The following DNM3 variants were observed in gnomAD, a reference collection of about 807,000 sequenced individuals.
DNM3 encodes the protein dynamin 3.
Under a neutral mutation model 101.6 loss-of-function variants are expected in DNM3, and 47 were observed. The ratio of observed to expected loss-of-function variants is 0.46; its 90% CI spans 0.37 to 0.59. The LOEUF is 0.59. Among genes scored for constraint, DNM3 ranks in the 20% least tolerant of loss-of-function variants. The pLI is 0.00. For synonymous variants in DNM3, 385 were observed against 387.9 expected (o/e 0.99, Z 0.09); for missense variants, 849 against 1,085.7 (o/e 0.78, Z 3.06).
rs1260694682 is a variant in DNM3, at chr1:171,880,918, T to C, written c.161+39101T>C. Among the ~76,000 whole-genome samples, 4 of 152,180 alleles carry C rather than the reference T, an allele frequency of 2.6e-5. No individual in the cohort carries two copies. The East Asian group carries it at 7.7e-4, about 29-fold the overall frequency. ...TAAATAGTAAAGTAAAAAAAAAACC[T>C]ATGTGTCTTTTATTTCTCTGCTAAC... On this transcript the variant is annotated intron_variant, in intron 1 of 20. Coordinates refer to ENST00000627582, the MANE Select transcript of DNM3 (RefSeq NM_015569.5).
chr1:172,061,220 A>C (rs1379809867), intron 10 of DNM3, among the ~76,000 whole-genome samples: 1 of 150,696 alleles, frequency 6.6e-6, no homozygotes, highest in Non-Finnish European at 1.5e-5. Context: ...GAAGATGTGG[A>C]GAAATAGGAA....
intron 2 of DNM3, among the ~76,000 whole-genome samples, chr1:171,932,225 T>A (rs2041080953): frequency 6.6e-6 from 1 of 151,178 alleles, no homozygotes; most frequent in Non-Finnish European, 1.5e-5. Flanking sequence ...CAGTGTAACC[T>A]CCAACTCCTC....
chr1:172,218,265 C>G (rs1407240103), intron 14 of DNM3, among the ~76,000 whole-genome samples: 1 of 151,790 alleles, frequency 6.6e-6, no homozygotes, highest in African/African-American at 2.4e-5. Context: ...GCTCTGTAGC[C>G]CAATGAGAAT....
At chr1:171,880,486 G>A (rs769484757) in intron 1 of DNM3, among the ~76,000 whole-genome samples, 28 of 152,098 alleles carry the variant, frequency 1.8e-4, no homozygotes, top group Non-Finnish European at 4.4e-5. Context: ...TTGGCACAGC[G>A]ATCATTAATT....
intron 1 of DNM3, among the ~76,000 whole-genome samples, chr1:171,854,889 T>C (rs973406474): frequency 2.6e-5 from 4 of 151,994 alleles, no homozygotes; most frequent in African/African-American, 9.7e-5. Flanking sequence ...TTTTAAAAAT[T>C]ATTATTTTAG....
Position 172,379,125 on chromosome 1 carries a change from C to T in DNM3, c.2001C>T (p.Ile667=). Reference sequence around the variant, plus strand: ...TCGTAGACTCCTACATGTCCATTATCAACAAATGTATCCGAGATCTAATTC... The same window carrying T: ...TCGTAGACTCCTACATGTCCATTATTAACAAATGTATCCGAGATCTAATTC... ...RNLVDSYMSI[I]NKCIRDLIPK... is the part of the protein sequence containing the mutation. The change falls in exon 18 of 21, where the codon ATC becomes ATT. Residue 667 remains isoleucine (I), a synonymous_variant. Transcript: ENST00000627582. 1 of 1,611,736 alleles carries T rather than the reference C, an allele frequency of 6.2e-7. No homozygotes were observed. Among genetic ancestry groups the T allele is most frequent in the Non-Finnish European group, 8.5e-7 (1 of 1,178,678 alleles).
intron 14 of DNM3, among the ~76,000 whole-genome samples, chr1:172,175,909 G>T (rs12072992): frequency 6.3e-4 from 96 of 151,892 alleles, no homozygotes; most frequent in African/African-American, 2.2e-3. Context: ...TGGTAGACAT[G>T]CTCCAGTGGT....
intron 4 of DNM3, among the ~76,000 whole-genome samples, chr1:171,996,298 T>C (rs1429769120): frequency 6.6e-6 from 1 of 152,192 alleles, no homozygotes; most frequent in African/African-American, 2.4e-5. Flanking sequence ...AATTATATGA[T>C]GTTTTGAATA....
At chr1:172,095,914 C>T (rs1007612954) in intron 13 of DNM3, among the ~76,000 whole-genome samples, 7 of 152,138 alleles carry the variant, frequency 4.6e-5, no homozygotes, top group South Asian at 4.1e-4. Flanking sequence ...TTAAATTTAA[C>T]CTTCATTCAT....
chr1:172,373,705 C>T (rs936319139), intron 17 of DNM3, among the ~76,000 whole-genome samples: 2 of 151,828 alleles, frequency 1.3e-5, no homozygotes, highest in African/African-American at 4.8e-5. Flanking sequence ...TTTTTTTGTA[C>T]TTTACATCCT....
chr1:172,026,326 A>C (rs2048198828), intron 4 of DNM3, among the ~76,000 whole-genome samples: 1 of 152,184 alleles, frequency 6.6e-6, no homozygotes, highest in African/African-American at 2.4e-5. Flanking sequence ...CCAAGCCTGC[A>C]TGTGATTGTG....
intron 2 of DNM3, among the ~76,000 whole-genome samples, chr1:171,983,891 T>C (rs2045028724): frequency 1.3e-5 from 2 of 152,162 alleles, no homozygotes; most frequent in African/African-American, 4.8e-5. Context: ...TCAACTTGGA[T>C]GGGTGTGTCA....
At chr1:172,236,750 G>A (rs1217859080) in intron 14 of DNM3, among the ~76,000 whole-genome samples, 3 of 152,052 alleles carry the variant, frequency 2.0e-5, no homozygotes, top group African/African-American at 7.2e-5. Flanking sequence ...TGTTGCTCTG[G>A]TTCTTCATTG....
chr1:171,953,675 C>T (rs778180881), intron 2 of DNM3, among the ~76,000 whole-genome samples: 5 of 151,930 alleles, frequency 3.3e-5, no homozygotes, highest in Admixed American at 6.6e-5. Flanking sequence ...GTGATCTACC[C>T]GCCTCAGCCT....
rs2058849272 is a variant in DNM3, at chr1:172,168,929, G to T, written c.1659+37641G>T. Among the ~76,000 whole-genome samples the T allele has an allele frequency of 2.0e-5, 3 of 152,058 alleles. No homozygotes were observed. In the South Asian group the frequency reaches 6.2e-4, roughly 31 times the overall value. The stretch of plus-strand genomic sequence containing the variant: ...ATCAAGAAGGGGTTTCTACTATGTT[G>T]TAAGAGGTGAAACTTGGCATACATT... On this transcript the variant is annotated intron_variant, in intron 14 of 20. Transcript: ENST00000627582.
At chr1:172,173,274 G>A (rs1209528778) in intron 14 of DNM3, among the ~76,000 whole-genome samples, 1 of 151,708 alleles carries the variant, frequency 6.6e-6, no homozygotes, top group Non-Finnish European at 1.5e-5. Flanking sequence ...AGTTGAGAGA[G>A]AGAAGAGTCA....
intron 1 of DNM3, among the ~76,000 whole-genome samples, chr1:171,909,773 AT>A (rs1452458870): frequency 5.9e-5 from 9 of 152,368 alleles, no homozygotes; most frequent in African/African-American, 2.2e-4. Context: ...ACTTGAAATT[AT>A]AATTGGAACA....
At chr1:172,246,599 A>G (rs1359393926) in intron 14 of DNM3, among the ~76,000 whole-genome samples, 1 of 152,174 alleles carries the variant, frequency 6.6e-6, no homozygotes, top group East Asian at 1.9e-4. Flanking sequence ...AGAAGATACA[A>G]TTAGAAACGT....
In DNM3 at chr1:171,987,735, A is replaced by C. The variant is rs761593512; in HGVS notation, c.315A>C (p.Thr105=). ...DEVRLEIEAE[T]DRVTGMNKGI... ...TTCGCCTTGAGATTGAAGCAGAAAC[A>C]GATCGCGTGACTGGAATGAATAAAG... Residue 105 remains threonine, a synonymous_variant, in exon 3 of 21, where the codon ACA becomes ACC. Transcript: ENST00000627582. 3 of 1,604,544 alleles carry C rather than the reference A, an allele frequency of 1.9e-6. No individual in the cohort carries two copies. In the East Asian group the frequency reaches 6.7e-5, roughly 36 times the overall value.
Sources: gnomAD v4.1 joint callset for allele counts (sites outside exome capture counted in the v4.1 genomes callset) on GRCh38, gnomAD v4.1.1 for gene constraint, MANE v1.5 for transcripts, NCBI Gene and HGNC (gene_info 2026-07-23, HGNC 2026-07-21) for gene names.